Variants in KANSL1 observed in about 807,000 individuals in gnomAD.
KANSL1 encodes the protein MLL1/MLL complex subunit KANSL1.
Under a neutral mutation model 103.6 loss-of-function variants are expected in KANSL1, and 22 were observed. The observed-to-expected ratio is 0.21, with a 90% confidence interval of 0.15 to 0.30. The LOEUF is 0.30. Among genes scored for constraint, KANSL1 ranks in the 10% least tolerant of loss-of-function variants. The probability of loss-of-function intolerance (pLI) is 1.00; values close to 1 mark genes in which losing one functional copy is unlikely to be tolerated. For missense variants in KANSL1, 1,337 were observed against 1,399.8 expected (o/e 0.96, Z 0.72); for synonymous variants, 600 against 527.6 (o/e 1.14, Z -1.88).
intron 2 of KANSL1, among the ~76,000 whole-genome samples, chr17:46,135,520 AT>A (rs1251187699): frequency 6.7e-6 from 1 of 148,890 alleles, no homozygotes; most frequent in African/African-American, 2.5e-5. Flanking sequence ...AAGGTGACAG[AT>A]TTTTTTCCCC....
chr17:46,101,166 G>A (rs2042297658), intron 2 of KANSL1, among the ~76,000 whole-genome samples: 1 of 152,158 alleles, frequency 6.6e-6, no homozygotes, highest in Non-Finnish European at 1.5e-5. Context: ...ACAGTTTTCA[G>A]GGTAAGAGTT....
chr17:46,110,819 A>G (rs1039826715), intron 2 of KANSL1, among the ~76,000 whole-genome samples: 5 of 152,238 alleles, frequency 3.3e-5, no homozygotes, highest in African/African-American at 1.2e-4. Context: ...TGGGGAAAGC[A>G]GGTCAAGCAT....
rs1419222964 is a variant in KANSL1 at position 46,219,305 on chromosome 17, G to A, written c.-90+4366C>T. On this transcript the variant is annotated intron_variant, in intron 1 of 14. Transcript: ENST00000572904. ...GATTATATCTAATTGCTAACTTAAG[G>A]GGATATACAATGAAAACCTGTTTTT... is the stretch of plus-strand genomic sequence containing the variant. 2.6e-5 allele frequency among the ~76,000 whole-genome samples: 4 copies of A among 150,948 alleles called. No individual in the cohort carries two copies. In the Admixed American group the frequency reaches 2.7e-4, roughly 10 times the overall value.
chr17:46,104,837 CAA>C (rs1275480903), intron 2 of KANSL1, among the ~76,000 whole-genome samples: 2 of 151,568 alleles, frequency 1.3e-5, no homozygotes, highest in African/African-American at 4.9e-5. Context: ...TTTTTTTAGA[CAA>C]AGTTTTGTTC....
chr17:46,201,155 G>A (rs1035855749), intron 1 of KANSL1, among the ~76,000 whole-genome samples: 4 of 152,088 alleles, frequency 2.6e-5, no homozygotes, highest in Admixed American at 6.5e-5. Flanking sequence ...CAGGTGATCC[G>A]CCCATCTCAG....
chr17:46,210,332 G>T (rs2048114598), intron 1 of KANSL1, among the ~76,000 whole-genome samples: 1 of 152,054 alleles, frequency 6.6e-6, no homozygotes, highest in Non-Finnish European at 1.5e-5. Flanking sequence ...AATTAGCTGG[G>T]TGTGGTGGTG....
chr17:46,033,425 C>G lies in KANSL1; in HGVS notation c.2702G>C (p.Ser901Thr). 1 of 1,614,164 alleles carries G rather than the reference C, an allele frequency of 6.2e-7. No homozygotes were observed. Among genetic ancestry groups the G allele is most frequent in the Non-Finnish European group, 8.5e-7 (1 of 1,179,990 alleles). Residue 901 changes from serine (S) to threonine (T), a missense_variant, in exon 12 of 15, where the codon AGT becomes ACT. Around this residue, in one of 2 missense-constraint regions of KANSL1, gnomAD observed 780 missense variants for 923.4 expected, o/e 0.84. Coordinates refer to ENST00000432791, the MANE Select transcript of KANSL1 (RefSeq NM_015443.4). ...TACCTCTTCATTCTCCTCATCAGGA[C>G]TCCCCTTCAGAGACTGAAGATCAAC... The part of the protein sequence containing the change: ...REVDLQSLKG[S>T]PDEENEEIED...
intron 1 of KANSL1, among the ~76,000 whole-genome samples, chr17:46,189,139 G>A (rs1301901713): frequency 6.8e-6 from 1 of 147,128 alleles, no homozygotes; most frequent in Non-Finnish European, 1.5e-5. Context: ...CTTGAGCCCC[G>A]GAGTTCAGGC....
At chr17:46,033,629 T>C in intron 11 of KANSL1, 169 bp from the exon 12 acceptor site, 1 of 638,964 alleles carries the variant, frequency 1.6e-6, no homozygotes, top group Non-Finnish European at 2.8e-6. Flanking sequence ...TCAAGGCCTG[T>C]GAAATTGGCC....
chr17:46,143,803 C>CAAAAAAAAAAAAAAAAAAAAAAA (rs57361021), intron 2 of KANSL1, among the ~76,000 whole-genome samples: 6 of 85,534 alleles, frequency 7.0e-5, no homozygotes, highest in Admixed American at 2.7e-4. Context: ...GACTCCATCT[C>CAAAAAAAAAAAAAAAAAAAAAAA]AAAAAAAAAA....
intron 6 of KANSL1, among the ~76,000 whole-genome samples, chr17:46,062,114 C>CAAAAAAAAAA (rs1192815524): frequency 2.7e-5 from 1 of 37,126 alleles, no homozygotes; most frequent in African/African-American, 6.8e-5. Context: ...AAAAAACAAA[C>CAAAAAAAAAA]AAACAAAAAA....
chr17:46,166,349 T>C (rs1192556727), intron 2 of KANSL1, among the ~76,000 whole-genome samples: 2 of 151,792 alleles, frequency 1.3e-5, no homozygotes, highest in Non-Finnish European at 2.9e-5. Flanking sequence ...CTGCCTCTAC[T>C]AAAAGTACAA....
chr17:46,063,902 T>G lies in KANSL1; in HGVS notation c.1848+2635A>C, dbSNP rs1339976333. Among the ~76,000 whole-genome samples, 9 of 142,612 alleles carry G rather than the reference T, an allele frequency of 6.3e-5. No individual in the cohort carries two copies. In the South Asian group the frequency reaches 8.6e-4, roughly 14 times the overall value. 93.6% of individuals were successfully genotyped at this position (142,612 alleles called of 152,430 possible). A position where few individuals can be genotyped will look rare whatever the true frequency, so the allele number is the denominator to read the frequency against. ...TTATTTTCATGAGGTGGCGGTTTTT[T>G]TTTTTTTTTTAAAATGTAAAAGCAT... On this transcript the variant is annotated intron_variant, in intron 6 of 14. Transcript: ENST00000432791.
intron 6 of KANSL1, among the ~76,000 whole-genome samples, chr17:46,055,130 T>G (rs1336895819): frequency 1.3e-5 from 2 of 151,680 alleles, no homozygotes; most frequent in African/African-American, 4.8e-5. Flanking sequence ...ATTACAGACG[T>G]GAGCCACCGT....
At chr17:46,084,697 TAAAAAAAAA>T (rs67108405) in intron 3 of KANSL1, among the ~76,000 whole-genome samples, 4 of 74,506 alleles carry the variant, frequency 5.4e-5, no homozygotes, top group Non-Finnish European at 7.1e-5. Context: ...TTTTAAAAAT[TAAAAAAAAA>T]AAAAAAAAAA....
intron 6 of KANSL1, among the ~76,000 whole-genome samples, chr17:46,061,820 G>A (rs1182660472): frequency 3.3e-5 from 5 of 152,096 alleles, no homozygotes; most frequent in Non-Finnish European, 2.9e-5. Context: ...GGCCGGGCGC[G>A]GTGGCTCACG....
At chr17:46,119,123 T>C (rs2043168051) in intron 2 of KANSL1, among the ~76,000 whole-genome samples, 1 of 152,236 alleles carries the variant, frequency 6.6e-6, no homozygotes, top group African/African-American at 2.4e-5. Context: ...TTCCGGGCAT[T>C]GTGCTACAAC....
chr17:46,134,022 A>G (rs1388269336), intron 2 of KANSL1, among the ~76,000 whole-genome samples: 1 of 152,206 alleles, frequency 6.6e-6, no homozygotes, highest in African/African-American at 2.4e-5. Context: ...CTTACTGCAC[A>G]CTGTCATGAG....
In KANSL1 at chr17:46,203,221, A is replaced by G. The variant is rs114640705; in HGVS notation, c.-90+20450T>C. 6.7e-3 allele frequency among the ~76,000 whole-genome samples: 1,015 copies of G among 152,306 alleles called. 8 individuals are homozygous for G. Among genetic ancestry groups the G allele is most frequent in the African/African-American group, 0.023 (967 of 41,540 alleles). On this transcript the variant is annotated intron_variant, in intron 1 of 14. Coordinates refer to the KANSL1 transcript ENST00000572904. ...GCGCCACTGCACTCCAGCCTGAACG[A>G]CAGAGCAGACTCCGTCTCAAAAAAA...
Sources: allele counts gnomAD v4.1 joint callset (sites outside exome capture counted in the v4.1 genomes callset), GRCh38; gene constraint gnomAD v4.1.1; regional missense constraint gnomAD v4.1.1; transcripts MANE v1.5; gene names NCBI Gene and HGNC (gene_info 2026-07-23, HGNC 2026-07-21).